Variants in SYT1 observed in about 807,000 individuals in gnomAD.
SYT1 encodes synaptotagmin 1, also known as synaptotagmin-1.
Under a neutral mutation model 44.8 loss-of-function variants are expected in SYT1, and 8 were observed. That is an observed-to-expected ratio of 0.18 (90% CI 0.10 to 0.32). SYT1 has a LOEUF of 0.32. SYT1 is among the 10% of genes least tolerant of loss of function. The pLI is 1.00. For missense variants in SYT1, 286 were observed against 509.3 expected (o/e 0.56, Z 4.22); for synonymous variants, 154 against 188.8 (o/e 0.82, Z 1.51).
intron 9 of SYT1, among the ~76,000 whole-genome samples, chr12:79,391,569 G>A (rs948022607): frequency 2.0e-5 from 3 of 152,198 alleles, no homozygotes; most frequent in Non-Finnish European, 2.9e-5. Context: ...GGAAGATGGC[G>A]AAGAGCTAAA....
chr12:79,073,125 C>A (rs1876399089), intron 3 of SYT1, among the ~76,000 whole-genome samples: 2 of 151,884 alleles, frequency 1.3e-5, no homozygotes, highest in South Asian at 4.2e-4. Flanking sequence ...TAAAAAAAGA[C>A]AAGGTCTCAC....
At chr12:79,361,840 T>C (rs1480612556) in intron 9 of SYT1, among the ~76,000 whole-genome samples, 1 of 152,190 alleles carries the variant, frequency 6.6e-6, no homozygotes, top group African/African-American at 2.4e-5. Flanking sequence ...TGAGTGCCTT[T>C]TAGAGATTAA....
chr12:79,118,688 C>T (rs1269116892), intron 3 of SYT1, among the ~76,000 whole-genome samples: 2 of 152,132 alleles, frequency 1.3e-5, no homozygotes, highest in East Asian at 3.9e-4. Context: ...AAAATGAAGT[C>T]GTTATTATCT....
intron 1 of SYT1, among the ~76,000 whole-genome samples, chr12:78,949,158 C>A (rs957594544): frequency 1.3e-5 from 2 of 151,266 alleles, no homozygotes; most frequent in South Asian, 4.2e-4. Context: ...TACCTCTGAG[C>A]TAATATGAGA....
In SYT1 at chr12:79,271,959, A is replaced by G. The variant is rs144146142; in HGVS notation, c.167-13828A>G. On this transcript the variant is annotated intron_variant, in intron 4 of 10. Coordinates refer to ENST00000261205, the MANE Select transcript of SYT1 (RefSeq NM_005639.3). ...ATCTTTTTATACCCATCTAACATAAACCACTCAATGTATTGTATCACATAG... is the reference window on the plus strand; with the variant it reads ...ATCTTTTTATACCCATCTAACATAAGCCACTCAATGTATTGTATCACATAG... 8.0e-3 allele frequency among the ~76,000 whole-genome samples: 1,217 copies of G among 152,280 alleles called. 12 individuals are homozygous for G. The highest frequency in any genetic ancestry group is 0.026 in the African/African-American group (1,090 of 41,554).
chr12:79,234,988 C>T (rs1592881445), intron 4 of SYT1, among the ~76,000 whole-genome samples: 1 of 152,062 alleles, frequency 6.6e-6, no homozygotes, highest in African/African-American at 2.4e-5. Context: ...GGATTACAGG[C>T]GTGAGCCACT....
intron 4 of SYT1, among the ~76,000 whole-genome samples, chr12:79,240,246 T>G (rs1239114569): frequency 6.6e-6 from 1 of 152,218 alleles, no homozygotes; most frequent in Middle Eastern, 3.2e-3. Flanking sequence ...GAAAAGGCAA[T>G]AGATTACCTT....
At chr12:79,016,957 G>T (rs1871847143) in intron 2 of SYT1, among the ~76,000 whole-genome samples, 1 of 152,118 alleles carries the variant, frequency 6.6e-6, no homozygotes, top group African/African-American at 2.4e-5. Flanking sequence ...GCATTGGTCT[G>T]TTTAATTATC....
chr12:79,392,383 A>G (rs576547549), intron 9 of SYT1: 1 of 152,330 alleles, frequency 6.6e-6, no homozygotes, highest in African/African-American at 2.4e-5. Context: ...GAAATAAACT[A>G]TCAGCTGAAC....
At chr12:78,875,957 A>G (rs1394837535) in intron 1 of SYT1, among the ~76,000 whole-genome samples, 2 of 151,562 alleles carry the variant, frequency 1.3e-5, no homozygotes, top group African/African-American at 4.8e-5. Context: ...CTCATTTCTA[A>G]AGAAATTAAA....
chr12:78,920,239 G>C (rs1466747386), intron 1 of SYT1, among the ~76,000 whole-genome samples: 1 of 151,938 alleles, frequency 6.6e-6, no homozygotes, highest in East Asian at 1.9e-4. Context: ...CTTCTTACCA[G>C]AGAAATAATA....
chr12:79,428,287 T>C (rs1526963), intron 9 of SYT1, among the ~76,000 whole-genome samples: 28,915 of 151,968 alleles, frequency 0.19, 3,200 homozygotes, highest in African/African-American at 0.3. Flanking sequence ...CTATTCTGGT[T>C]CTCGCCTAGC....
intron 3 of SYT1, among the ~76,000 whole-genome samples, chr12:79,187,753 A>G (rs1592835820): frequency 6.6e-6 from 1 of 152,078 alleles, no homozygotes; most frequent in African/African-American, 2.4e-5. Context: ...CAAAGAAGGC[A>G]TATTTGGTAG....
intron 3 of SYT1, among the ~76,000 whole-genome samples, chr12:79,082,086 A>G (rs1877073997): frequency 6.6e-6 from 1 of 152,222 alleles, no homozygotes. Context: ...TGGACCTCAA[A>G]TGCCCATCTA....
At chr12:79,167,174 C>T (rs1592811039) in intron 3 of SYT1, among the ~76,000 whole-genome samples, 1 of 151,886 alleles carries the variant, frequency 6.6e-6, no homozygotes, top group Non-Finnish European at 1.5e-5. Context: ...TACCATATTG[C>T]GATCTCAGAT....
At chr12:79,311,907 T>C (rs1449336769) in intron 8 of SYT1, among the ~76,000 whole-genome samples, 2 of 142,142 alleles carry the variant, frequency 1.4e-5, no homozygotes, top group Non-Finnish European at 3.1e-5. Flanking sequence ...TTAGGAGATA[T>C]ACCTAATGCT....
intron 9 of SYT1, among the ~76,000 whole-genome samples, chr12:79,375,501 T>C (rs992670410): frequency 6.6e-6 from 1 of 152,182 alleles, no homozygotes; most frequent in Non-Finnish European, 1.5e-5. Flanking sequence ...GAGTTTGTGC[T>C]GCAAACTGTA....
intron 3 of SYT1, among the ~76,000 whole-genome samples, chr12:79,191,845 C>T (rs953070440): frequency 6.6e-6 from 1 of 151,954 alleles, no homozygotes; most frequent in African/African-American, 2.4e-5. Flanking sequence ...ATAACCACAA[C>T]TTAAGACACA....
intron 4 of SYT1, among the ~76,000 whole-genome samples, chr12:79,246,733 A>G (rs972623499): frequency 6.6e-6 from 1 of 152,218 alleles, no homozygotes; most frequent in African/African-American, 2.4e-5. Context: ...AAATTACCAC[A>G]CTGGTGATGA....
Sources: allele counts gnomAD v4.1 joint callset (sites outside exome capture counted in the v4.1 genomes callset), GRCh38; gene constraint gnomAD v4.1.1; transcripts MANE v1.5; gene names NCBI Gene and HGNC (gene_info 2026-07-23, HGNC 2026-07-21).